Variants in PRCP observed in about 807,000 individuals in gnomAD.
PRCP encodes the protein lysosomal Pro-X carboxypeptidase.
In PRCP, 46 loss-of-function variants were observed where a neutral mutation model predicts 54.2. That is an observed-to-expected ratio of 0.85 (90% CI 0.67 to 1.09). PRCP has a LOEUF of 1.09. PRCP is among the 50% of genes least tolerant of loss of function. The pLI, the probability that PRCP is intolerant of heterozygous loss-of-function variation, is 0.00. For synonymous variants in PRCP, 240 were observed against 212.2 expected, an observed-to-expected ratio of 1.13 and a Z score of -1.14; for missense variants, 613 against 596.8, an observed-to-expected ratio of 1.03 and a Z score of -0.28.
intron 1 of PRCP, among the ~76,000 whole-genome samples, chr11:82,876,637 G>A (rs963120819): frequency 3.3e-5 from 5 of 152,128 alleles, no homozygotes; most frequent in Admixed American, 2.6e-4. Flanking sequence ...AGGGGTTTCC[G>A]CTTTTGCTTC....
chr11:82,870,179 A>G (rs1859444498), intron 1 of PRCP, among the ~76,000 whole-genome samples: 1 of 152,274 alleles, frequency 6.6e-6, no homozygotes, highest in South Asian at 2.1e-4. Flanking sequence ...AGCTTTCTGT[A>G]AAATGTACAA....
chr11:82,829,050 A>G (rs1858313015), intron 8 of PRCP: 1 of 152,096 alleles, frequency 6.6e-6, no homozygotes, highest in Non-Finnish European at 1.5e-5. Flanking sequence ...TATTACCTCC[A>G]CTGCACAACC....
intron 1 of PRCP, among the ~76,000 whole-genome samples, chr11:82,874,690 C>CAAAAAA (rs36084037): frequency 4.4e-5 from 3 of 68,832 alleles, no homozygotes; most frequent in Non-Finnish European, 6.8e-5. Context: ...GACCCTGTCT[C>CAAAAAA]AAAAAAAAAA....
chr11:82,837,630 C>T (rs889695732), intron 8 of PRCP, among the ~76,000 whole-genome samples: 1 of 152,162 alleles, frequency 6.6e-6, no homozygotes, highest in Admixed American at 6.5e-5. Context: ...TCTATATAGA[C>T]TTGGGGAAAT....
chr11:82,900,880 T>C (rs141817179), upstream of PRCP: 100 of 457,234 alleles, frequency 2.2e-4, 1 homozygote, highest in African/African-American at 2.0e-3. Flanking sequence ...ACAGCTACCA[T>C]GACAATTTAT....
intron 8 of PRCP, chr11:82,836,960 ATCAAGGAATATG>A (rs1257310408): frequency 3.9e-4 from 129 of 332,854 alleles, no homozygotes; most frequent in African/African-American, 2.5e-3. Flanking sequence ...GAGGAGATAT[ATCAAGGAATATG>A]TCATTTAAGT....
intron 1 of PRCP, among the ~76,000 whole-genome samples, chr11:82,879,273 T>G (rs1859686664): frequency 6.6e-6 from 1 of 152,244 alleles, no homozygotes; most frequent in Non-Finnish European, 1.5e-5. Flanking sequence ...TTCATTTCAT[T>G]CATTTGATCT....
intron 1 of PRCP, among the ~76,000 whole-genome samples, chr11:82,896,212 T>A (rs1047087835): frequency 6.6e-6 from 1 of 152,212 alleles, no homozygotes. Context: ...ACAACCTTGG[T>A]GGATGTGATG....
chr11:82,885,076 C>T (rs1031536855), intron 1 of PRCP, among the ~76,000 whole-genome samples: 3 of 152,136 alleles, frequency 2.0e-5, no homozygotes, highest in African/African-American at 7.2e-5. Context: ...AGTAAAATTA[C>T]TTTTTTAATG....
chr11:82,861,705 A>G (rs770806682), intron 1 of PRCP, among the ~76,000 whole-genome samples: 1 of 152,236 alleles, frequency 6.6e-6, no homozygotes, highest in Non-Finnish European at 1.5e-5. Flanking sequence ...GGGACAACAG[A>G]TACTGAAGGT....
At chr11:82,900,552 G>T, upstream of PRCP, 1 of 1,092,538 alleles carries the variant, frequency 9.2e-7, no homozygotes, top group South Asian at 1.3e-5. Context: ...CCTCAGAGAC[G>T]CCGCCCAAGC....
intron 8 of PRCP, among the ~76,000 whole-genome samples, chr11:82,832,492 T>A (rs1036877488): frequency 3.3e-5 from 5 of 152,220 alleles, no homozygotes; most frequent in Non-Finnish European, 7.3e-5. Flanking sequence ...GTTGGCCGCA[T>A]AAATATCTTC....
At position 82,859,975 on chromosome 11, in the gene PRCP, A is replaced by C; in HGVS notation, c.309+2T>G. On this transcript the variant is annotated splice_donor_variant, in intron 2 of 8. Transcript: ENST00000313010. LOFTEE classifies it high-confidence loss of function. ...ACTGGAATTTCATGAATCTGCACATACCGTGTTATTACAAAACCAGATAAT... is the reference window on the plus strand; with the variant it reads ...ACTGGAATTTCATGAATCTGCACATCCCGTGTTATTACAAAACCAGATAAT... The C allele has an allele frequency of 6.3e-7, 1 of 1,576,804 alleles. No individual in the cohort carries two copies. Among genetic ancestry groups the C allele is most frequent in the Non-Finnish European group, 8.6e-7 (1 of 1,165,040 alleles).
At chr11:82,891,689 C>G (rs942109644) in intron 1 of PRCP, among the ~76,000 whole-genome samples, 5 of 152,154 alleles carry the variant, frequency 3.3e-5, no homozygotes, top group African/African-American at 1.2e-4. Flanking sequence ...ACTTGACCTT[C>G]CCTGCCTAGA....
chr11:82,830,741 C>T (rs1010978596), intron 8 of PRCP: 1 of 150,594 alleles, frequency 6.6e-6, no homozygotes, highest in African/African-American at 2.4e-5. Context: ...TTTCAACTAC[C>T]AGGTAAACTT....
intron 8 of PRCP, chr11:82,835,604 G>T: frequency 3.1e-6 from 1 of 321,094 alleles, no homozygotes; most frequent in South Asian, 2.7e-5. Flanking sequence ...CACAAACAGA[G>T]AAAAACCAGC....
chr11:82,857,820 T>C (rs2121169541), intron 2 of PRCP, among the ~76,000 whole-genome samples: 1 of 152,304 alleles, frequency 6.6e-6, no homozygotes, highest in East Asian at 1.9e-4. Context: ...ATCTACTCAT[T>C]CCCTGCCATT....
chr11:82,899,615 G>A (rs1316541930), intron 1 of PRCP, among the ~76,000 whole-genome samples: 2 of 152,192 alleles, frequency 1.3e-5, no homozygotes, highest in African/African-American at 2.4e-5. Context: ...CTAATTTCAC[G>A]TTACAGACCA....
chr11:82,894,340 T>C (rs1347862320), intron 1 of PRCP, among the ~76,000 whole-genome samples: 1 of 152,254 alleles, frequency 6.6e-6, no homozygotes, highest in African/African-American at 2.4e-5. Context: ...TTATATGTTA[T>C]GGGTCTGTGT....
Sources: gnomAD v4.1 joint callset for allele counts (sites outside exome capture counted in the v4.1 genomes callset) on GRCh38, gnomAD v4.1.1 for gene constraint, MANE v1.5 for transcripts, NCBI Gene and HGNC (gene_info 2026-07-23, HGNC 2026-07-21) for gene names.